ARL15: variants seen among roughly 807,000 people sequenced by gnomAD.
The protein encoded by ARL15 is ADP-ribosylation factor-like protein 15.
Under a neutral mutation model 25.2 loss-of-function variants are expected in ARL15, and 19 were observed. That is an observed-to-expected ratio of 0.75 (90% CI 0.53 to 1.10). ARL15 has a LOEUF of 1.10. Among genes scored for constraint, ARL15 ranks in the 50% least tolerant of loss-of-function variants. The pLI is 0.00. For synonymous variants in ARL15, 94 were observed against 86.8 expected, an observed-to-expected ratio of 1.08 and a Z score of -0.46; for missense variants, 220 against 246.0, an observed-to-expected ratio of 0.89 and a Z score of 0.71.
At position 54,134,568 on chromosome 5, in the gene ARL15, C is replaced by CTT. The variant is rs5867914; in HGVS notation, c.253+20010_253+20011dup. Among the ~76,000 whole-genome samples, 419 of 51,826 alleles carry CTT rather than the reference C, an allele frequency of 8.1e-3. 80 individuals are homozygous for CTT. Among genetic ancestry groups the CTT allele is most frequent in the Admixed American group, 0.011 (33 of 3,110 alleles). The allele number at this position is 51,826 out of a possible 152,430, so 34.0% of individuals were successfully genotyped here. On this transcript the variant is annotated intron_variant, in intron 3 of 4. Coordinates refer to ENST00000504924, the MANE Select transcript of ARL15 (RefSeq NM_019087.3). ...GTGAGCTCCCTGAAGGAATGATTAG[C>CTT]TTTTTTTTTTTTTTTTTTTTTTTTT...
intron 1 of ARL15, among the ~76,000 whole-genome samples, chr5:54,305,199 T>G (rs1049664475): frequency 3.4e-4 from 52 of 152,084 alleles, no homozygotes; most frequent in African/African-American, 1.3e-3. Flanking sequence ...AAATCTAATC[T>G]TATTAAATCC....
chr5:54,059,232 A>G (rs963551944), intron 4 of ARL15, among the ~76,000 whole-genome samples: 6 of 152,250 alleles, frequency 3.9e-5, no homozygotes, highest in African/African-American at 1.4e-4. Context: ...TAACATGGCT[A>G]CTTCCTAAGA....
intron 4 of ARL15, among the ~76,000 whole-genome samples, chr5:53,927,051 C>G (rs1746053931): frequency 6.6e-6 from 1 of 151,620 alleles, no homozygotes; most frequent in Non-Finnish European, 1.5e-5. Flanking sequence ...TAAAATTGAC[C>G]ATTTCAACTA....
intron 1 of ARL15, among the ~76,000 whole-genome samples, chr5:54,254,895 C>G (rs926465235): frequency 6.6e-6 from 1 of 152,236 alleles, no homozygotes; most frequent in African/African-American, 2.4e-5. Context: ...GCTCTCCTTT[C>G]TGCTTTGGAC....
intron 1 of ARL15, among the ~76,000 whole-genome samples, chr5:54,277,498 T>A (rs1239241546): frequency 6.6e-6 from 1 of 152,206 alleles, no homozygotes; most frequent in Non-Finnish European, 1.5e-5. Flanking sequence ...ATGCCTGTAA[T>A]CCCAGCACTT....
At chr5:54,079,617 C>T (rs1323637497) in intron 4 of ARL15, among the ~76,000 whole-genome samples, 1 of 152,022 alleles carries the variant, frequency 6.6e-6, no homozygotes, top group Non-Finnish European at 1.5e-5. Flanking sequence ...GCAGTGAGTA[C>T]AGGCAGTGAT....
intron 1 of ARL15, among the ~76,000 whole-genome samples, chr5:54,179,689 C>G (rs1330298918): frequency 6.6e-6 from 1 of 152,022 alleles, no homozygotes; most frequent in Non-Finnish European, 1.5e-5. Context: ...TCATTTAACC[C>G]TTTTTTGTCC....
chr5:54,136,811 A>G (rs1753618207), intron 3 of ARL15, among the ~76,000 whole-genome samples: 2 of 151,596 alleles, frequency 1.3e-5, no homozygotes, highest in Non-Finnish European at 2.9e-5. Context: ...AATCCATAGT[A>G]CTGCCAGGAC....
chr5:54,154,902 C>T (rs1042334758), intron 2 of ARL15, among the ~76,000 whole-genome samples: 3 of 152,148 alleles, frequency 2.0e-5, no homozygotes, highest in South Asian at 2.1e-4. Flanking sequence ...GCGGGCAGAT[C>T]ACGAGGTCAA....
intron 4 of ARL15, among the ~76,000 whole-genome samples, chr5:54,034,979 A>T (rs2111914929): frequency 6.6e-6 from 1 of 152,142 alleles, no homozygotes; most frequent in African/African-American, 2.4e-5. Context: ...TAAGAAATAT[A>T]CTTTTTGAAT....
intron 4 of ARL15, among the ~76,000 whole-genome samples, chr5:54,101,488 T>G (rs1752437136): frequency 6.6e-6 from 1 of 152,174 alleles, no homozygotes; most frequent in Non-Finnish European, 1.5e-5. Context: ...CTAGAACTAA[T>G]GTTCTAAATA....
At chr5:54,032,097 T>C (rs1177660688) in intron 4 of ARL15, among the ~76,000 whole-genome samples, 1 of 152,182 alleles carries the variant, frequency 6.6e-6, no homozygotes, top group Non-Finnish European at 1.5e-5. Context: ...ACTCCTACTC[T>C]ATCCCTCTCA....
chr5:54,307,025 T>C (rs1579998476), intron 1 of ARL15, among the ~76,000 whole-genome samples: 1 of 152,330 alleles, frequency 6.6e-6, no homozygotes, highest in Admixed American at 6.5e-5. Flanking sequence ...GTTCTACCTA[T>C]GAGAAGAAAG....
intron 4 of ARL15, among the ~76,000 whole-genome samples, chr5:53,945,472 T>C (rs1580105758): frequency 6.6e-6 from 1 of 152,304 alleles, no homozygotes; most frequent in African/African-American, 2.4e-5. Context: ...AAACGAGTTA[T>C]TTAGTTTTGC....
At chr5:54,287,475 A>G (rs1301005424) in intron 1 of ARL15, among the ~76,000 whole-genome samples, 1 of 150,836 alleles carries the variant, frequency 6.6e-6, no homozygotes, top group Non-Finnish European at 1.5e-5. Flanking sequence ...AGTTCAAAGG[A>G]GCACAGAAGA....
chr5:54,036,511 C>T (rs1253755172), intron 4 of ARL15, among the ~76,000 whole-genome samples: 2 of 152,064 alleles, frequency 1.3e-5, no homozygotes, highest in Admixed American at 6.6e-5. Context: ...CTGATAAAAA[C>T]GCTGAGGGTA....
chr5:53,925,049 C>G (rs1745973539), intron 4 of ARL15, among the ~76,000 whole-genome samples: 1 of 141,028 alleles, frequency 7.1e-6, no homozygotes, highest in Non-Finnish European at 1.5e-5. Context: ...TGTTTCCTCC[C>G]AAGCTTCAAT....
At chr5:53,941,570 A>T (rs1252684756) in intron 4 of ARL15, among the ~76,000 whole-genome samples, 1 of 152,248 alleles carries the variant, frequency 6.6e-6, no homozygotes, top group Admixed American at 6.5e-5. Flanking sequence ...GCCAAATAAC[A>T]CAAGTCTTTT....
intron 4 of ARL15, among the ~76,000 whole-genome samples, chr5:54,052,790 G>A (rs1320030002): frequency 6.6e-6 from 1 of 152,062 alleles, no homozygotes; most frequent in African/African-American, 2.4e-5. Flanking sequence ...TCTATCAGCT[G>A]AGGTCTAGAA....
Sources: allele counts gnomAD v4.1 joint callset (sites outside exome capture counted in the v4.1 genomes callset), GRCh38; gene constraint gnomAD v4.1.1; transcripts MANE v1.5; gene names NCBI Gene and HGNC (gene_info 2026-07-23, HGNC 2026-07-21).